The following SAMD9L variants were observed in gnomAD, a reference collection of about 807,000 sequenced individuals.
The protein encoded by SAMD9L is sterile alpha motif domain-containing protein 9-like.
Under a neutral mutation model 90.7 loss-of-function variants are expected in SAMD9L, and 68 were observed. The ratio of observed to expected loss-of-function variants is 0.75; its 90% CI spans 0.62 to 0.92. The LOEUF (loss-of-function observed/expected upper bound fraction) is 0.92. Among genes scored for constraint, SAMD9L ranks in the 40% least tolerant of loss-of-function variants. The pLI is 0.00. For synonymous variants in SAMD9L, 640 were observed against 630.1 expected (o/e 1.02, Z -0.23); for missense variants, 1,604 against 1,824.3 (o/e 0.88, Z 2.20).
Position 93,130,606 on chromosome 7 carries a change from G to A in SAMD9L, c.*611C>T, listed in dbSNP as rs2116463073. On this transcript the variant is annotated 3_prime_UTR_variant, in exon 5 of 5. Transcript: ENST00000318238. ...CAAGTTTATGATTACTTTATTTTTT[G>A]AACTCTTCTCTCTCCTGGAGCAATG... is the stretch of plus-strand genomic sequence containing the variant. 1 of 151,590 alleles carries A rather than the reference G, an allele frequency of 6.6e-6. No homozygotes were observed. The highest frequency in any genetic ancestry group is 2.1e-4 in the South Asian group (1 of 4,804). The allele number at this position is 151,590 out of a possible 1,614,324, so 9.4% of individuals were successfully genotyped here. A position where few individuals can be genotyped will look rare whatever the true frequency, so the allele number is the denominator to read the frequency against.
rs746104225 is a variant in SAMD9L, at chr7:93,135,269, C to T, written c.703G>A (p.Gly235Ser). 38 of 1,614,002 alleles carry T rather than the reference C, an allele frequency of 2.4e-5. No individual in the cohort carries two copies. The East Asian group carries it at 8.5e-4, about 36-fold the overall frequency. Residue 235 changes from glycine (G) to serine (S), a missense_variant, in exon 5 of 5, where the codon GGC becomes AGC. Coordinates refer to ENST00000318238, the MANE Select transcript of SAMD9L (RefSeq NM_152703.5). ...TCCTTGACTCCAAAATGGATGGTGC[C>T]ATTGGTGCGTGAATTCATACAAGCT... ...ASACMNSRTN[G>S]TIHFGVKDKP...
At position 93,132,360 on chromosome 7, in the gene SAMD9L, A is replaced by G; in HGVS notation, c.3612T>C (p.Gly1204=). Residue 1204 remains glycine, a synonymous_variant, in exon 5 of 5, where the codon GGT becomes GGC. Transcript: ENST00000318238. Reference sequence around the variant, plus strand: ...GCTGAAGAATCTGGATAGTGTAAAGACCAACTTCTATTTCACCCAAGAAAC... The same window carrying G: ...GCTGAAGAATCTGGATAGTGTAAAGGCCAACTTCTATTTCACCCAAGAAAC... ...TACFLGEIEV[G]LYTIQILQLT... is the part of the protein sequence containing the mutation. 1 of 1,613,906 alleles carries G rather than the reference A, an allele frequency of 6.2e-7. No homozygotes were observed. The highest frequency in any genetic ancestry group is 8.5e-7 in the Non-Finnish European group (1 of 1,179,870).
In SAMD9L at chr7:93,134,425, A is replaced by C; in HGVS notation, c.1547T>G (p.Leu516Ter). ...SETYKPLEPH[L>*]WQRERASEVR... is the part of the protein sequence containing the mutation. ...TTCTGAAGCTCTTTCTCTCTGCCAT[A>C]AATGTGGTTCTAGAGGTTTATATGT... is the stretch of plus-strand genomic sequence containing the variant. Residue 516 changes from leucine (L) to a stop codon, truncating the protein, a stop_gained, in exon 5 of 5, where the codon TTA becomes TGA. Transcript: ENST00000318238. LOFTEE classifies it high-confidence loss of function. The C allele has an allele frequency of 6.2e-7, 1 of 1,613,900 alleles. No individual in the cohort carries two copies. The highest frequency in any genetic ancestry group is 1.1e-5 in the South Asian group (1 of 91,060).
Position 93,133,121 on chromosome 7 carries a change from T to A in SAMD9L, c.2851A>T (p.Thr951Ser). 6.2e-7 allele frequency: 1 copy of A among 1,613,152 alleles called. No individual in the cohort carries two copies. The highest frequency in any genetic ancestry group is 8.5e-7 in the Non-Finnish European group (1 of 1,179,430). ...CTTTCAGGTTCCCAGGGTGTACTAG[T>A]GTATATGATTCCCAAAAATATTTCA... ...QCEIFLGIIY[T>S]STPWEPESLE... Residue 951 changes from threonine (T) to serine (S), a missense_variant, in exon 5 of 5, where the codon ACT becomes TCT. Physicochemically the swap from Thr to Ser is moderately conservative, Grantham distance 58. Transcript: ENST00000318238.
intron 3 of SAMD9L, among the ~76,000 whole-genome samples, chr7:93,145,111 C>A (rs1430322595): frequency 3.9e-5 from 6 of 152,204 alleles, no homozygotes; most frequent in African/African-American, 1.2e-4. Flanking sequence ...CACCCCAGAG[C>A]TTTCCACCTC....
chr7:93,133,406 CAAT>C lies in SAMD9L; in HGVS notation c.2563_2565del (p.Ile855del). ...TTGGAAGAAAGTTGGTAATTTAGTGCAATACTGTCTGCCAATTTTGCACTTTCA... is the reference window on the plus strand; with the variant it reads ...TTGGAAGAAAGTTGGTAATTTAGTGCACTGTCTGCCAATTTTGCACTTTCA... On this transcript the variant is annotated inframe_deletion, in exon 5 of 5. Transcript: ENST00000318238. 1 of 1,613,636 alleles carries C rather than the reference CAAT, an allele frequency of 6.2e-7. No homozygotes were observed. Among genetic ancestry groups the C allele is most frequent in the Non-Finnish European group, 8.5e-7 (1 of 1,179,638 alleles).
In SAMD9L at chr7:93,135,220, C is replaced by G. The variant is rs754914217; in HGVS notation, c.752G>C (p.Gly251Ala). The change falls in exon 5 of 5, where the codon GGT (glycine) becomes GCT (alanine). Residue 251 changes from glycine (G) to alanine (A), a missense_variant. Gly to Ala is a moderately conservative substitution (Grantham distance 60). This residue lies in a region of SAMD9L where 374 missense variants were observed against 363.6 expected (regional missense o/e 1.03). Transcript: ENST00000318238. ...VKDKPHGEIV[G>A]VKITSKAAFI... ...GGCAGCCTTACTGGTGATTTTCACA[C>G]CAACAATTTCTCCATGGGGTTTGTC... 1.5e-5 allele frequency: 24 copies of G among 1,614,072 alleles called. No homozygotes were observed. The highest frequency in any genetic ancestry group is 1.9e-5 in the Non-Finnish European group (23 of 1,179,982).
chr7:93,142,079 A>T (rs558647461), intron 4 of SAMD9L, among the ~76,000 whole-genome samples: 4 of 152,248 alleles, frequency 2.6e-5, no homozygotes, highest in African/African-American at 9.6e-5. Flanking sequence ...CCAGATGCCA[A>T]CACAGCTCAC....
chr7:93,137,321 C>T (rs1235147944), intron 4 of SAMD9L, among the ~76,000 whole-genome samples: 1 of 152,116 alleles, frequency 6.6e-6, no homozygotes, highest in East Asian at 1.9e-4. Context: ...GCTCCACATC[C>T]CATCAGATCA....
chr7:93,134,017 A>G lies in SAMD9L; in HGVS notation c.1955T>C (p.Val652Ala), dbSNP rs780351548. ...SVILEKKKED[V>A]LTALEILCEN... ...ACAGAGGATTTCCAGTGCAGTCAAGACATCCTCTTTCTTTTTCTCTAGGAT... is the reference window on the plus strand; with the variant it reads ...ACAGAGGATTTCCAGTGCAGTCAAGGCATCCTCTTTCTTTTTCTCTAGGAT... The change falls in exon 5 of 5, where the codon GTC becomes GCC. Residue 652 changes from valine to alanine, a missense_variant. This residue lies in a region of SAMD9L where 606 missense variants were observed against 717.6 expected (regional missense o/e 0.84). Coordinates refer to ENST00000318238, the MANE Select transcript of SAMD9L (RefSeq NM_152703.5). 1.9e-6 allele frequency: 3 copies of G among 1,613,826 alleles called. No individual in the cohort carries two copies. The Admixed American group carries it at 5.0e-5, about 27-fold the overall frequency.
rs573825281 is a variant in SAMD9L, at chr7:93,134,063, C to A, written c.1909G>T (p.Ala637Ser). Residue 637 changes from alanine (A) to serine (S), a missense_variant, in exon 5 of 5, where the codon GCC becomes TCC. Physicochemically the swap from Ala to Ser is moderately conservative, Grantham distance 99 (BLOSUM62 1). Coordinates refer to ENST00000318238, the MANE Select transcript of SAMD9L (RefSeq NM_152703.5). ...AGGATAACTGAAGAAGATCCACGGG[C>A]GGGCAAAAACCTTCTTGATGACCGA... ...VTRSSRRFLP[A>S]RGSSSVILEK... The A allele has an allele frequency of 1.2e-6, 2 of 1,613,770 alleles. No homozygotes were observed. The highest frequency in any genetic ancestry group is 1.7e-6 in the Non-Finnish European group (2 of 1,179,838).
intron 4 of SAMD9L, among the ~76,000 whole-genome samples, chr7:93,143,704 G>A (rs1415407259): frequency 1.3e-5 from 2 of 152,188 alleles, no homozygotes; most frequent in African/African-American, 4.8e-5. Flanking sequence ...ATTGGTAGCT[G>A]AGAATATATT....
chr7:93,133,132 C>T lies in SAMD9L; in HGVS notation c.2840G>A (p.Gly947Glu). ...ISVSQCEIFL[G>E]IIYTSTPWEP... The stretch of plus-strand genomic sequence containing the variant: ...CCAGGGTGTACTAGTGTATATGATT[C>T]CCAAAAATATTTCACACTGTGAAAC... The change falls in exon 5 of 5, where the codon GGA (glycine) becomes GAA (glutamate). Residue 947 changes from glycine to glutamate, a missense_variant. By Grantham distance (98) the Gly-to-Glu change is moderately conservative. Coordinates refer to ENST00000318238, the MANE Select transcript of SAMD9L (RefSeq NM_152703.5). The T allele has an allele frequency of 6.2e-7, 1 of 1,612,926 alleles. No individual in the cohort carries two copies. Among genetic ancestry groups the T allele is most frequent in the Non-Finnish European group, 8.5e-7 (1 of 1,179,352 alleles).
At position 93,135,551 on chromosome 7, in the gene SAMD9L, C is replaced by G. The variant is rs1562796165; in HGVS notation, c.421G>C (p.Val141Leu). The G allele has an allele frequency of 6.2e-7, 1 of 1,613,992 alleles. No individual in the cohort carries two copies. The highest frequency in any genetic ancestry group is 2.2e-5 in the East Asian group (1 of 44,864). The change falls in exon 5 of 5, where the codon GTG becomes CTG. Residue 141 changes from valine (V) to leucine (L), a missense_variant. By Grantham distance (32) the Val-to-Leu change is conservative. This residue lies in a region of SAMD9L where 374 missense variants were observed against 363.6 expected (regional missense o/e 1.03). Coordinates refer to ENST00000318238, the MANE Select transcript of SAMD9L (RefSeq NM_152703.5). ...TTAGCATTTGCTACTTCATCTAACACATTTTCTTTCATAAGAATTGATTCT... is the reference window on the plus strand; with the variant it reads ...TTAGCATTTGCTACTTCATCTAACAGATTTTCTTTCATAAGAATTGATTCT... ...QEESILMKENVLDEVANAKHK... is the reference protein window; with the variant it reads ...QEESILMKENLLDEVANAKHK...
At chr7:93,138,661 A>G (rs76260803) in intron 4 of SAMD9L, among the ~76,000 whole-genome samples, 1,994 of 152,280 alleles carry the variant, frequency 0.013, 45 homozygotes, top group African/African-American at 0.044. Context: ...GGACCTGCCA[A>G]AGGCCCCTTT....
rs1015113593 is a variant in SAMD9L, at chr7:93,130,109, A to T, written c.*1108T>A. ...TATTCAATTTAATCTATATTAGCCT[A>T]TGTTTCACTTTATAGGCAATGCGTA... On this transcript the variant is annotated 3_prime_UTR_variant, in exon 5 of 5. Transcript: ENST00000318238. The T allele has an allele frequency of 6.6e-6, 1 of 152,216 alleles. No individual in the cohort carries two copies. The highest frequency in any genetic ancestry group is 1.5e-5 in the Non-Finnish European group (1 of 68,040). 9.4% of individuals were successfully genotyped at this position (152,216 alleles called of 1,614,324 possible).
rs1489218206 is a variant in SAMD9L at position 93,131,365 on chromosome 7, A to G, written c.4607T>C (p.Val1536Ala). 5 of 1,613,556 alleles carry G rather than the reference A, an allele frequency of 3.1e-6. No individual in the cohort carries two copies. The highest frequency in any genetic ancestry group is 3.3e-5 in the Admixed American group (2 of 59,864). Residue 1536 changes from valine to alanine, a missense_variant, in exon 5 of 5, where the codon GTA becomes GCA. By Grantham distance (64) the Val-to-Ala change is moderately conservative. Coordinates refer to ENST00000318238, the MANE Select transcript of SAMD9L (RefSeq NM_152703.5). ...TATTTTTTCCTCTGTTCCATATTCT[A>G]CAGAGATTAGCTTGCCTTCAGCCTG... ...TGQAEGKLIS[V>A]EYGTEEKIKI... is the part of the protein sequence containing the mutation.
In SAMD9L at chr7:93,134,766, G is replaced by T; in HGVS notation, c.1206C>A (p.Leu402=). ...TATCCAGTGAGTCTCGGTTTCCTAT[G>T]AGAAGTTTAACCAGCTTTAGTCCTT... ...ESEGLKLVKL[L]IGNRDSLDNS... Residue 402 remains leucine (L), a synonymous_variant, in exon 5 of 5, where the codon CTC becomes CTA. Transcript: ENST00000318238. 10 of 1,613,282 alleles carry T rather than the reference G, an allele frequency of 6.2e-6. No homozygotes were observed. The highest frequency in any genetic ancestry group is 8.5e-6 in the Non-Finnish European group (10 of 1,179,906).
Position 93,133,900 on chromosome 7 carries a change from C to T in SAMD9L, c.2072G>A (p.Gly691Asp). Residue 691 changes from glycine (G) to aspartate (D), a missense_variant, in exon 5 of 5, where the codon GGC (glycine) becomes GAC (aspartate). Coordinates refer to ENST00000318238, the MANE Select transcript of SAMD9L (RefSeq NM_152703.5). Reference protein sequence around the residue: ...KSKEEHFYRGGKVSWWNFYFS... With the variant: ...KSKEEHFYRGDKVSWWNFYFS... The stretch of plus-strand genomic sequence containing the variant: ...ATAGAAGTTCCACCAGGATACTTTG[C>T]CACCTCGATAAAAGTGTTCTTCTTT... 6.2e-7 allele frequency: 1 copy of T among 1,613,786 alleles called. No homozygotes were observed. Among genetic ancestry groups the T allele is most frequent in the Non-Finnish European group, 8.5e-7 (1 of 1,179,852 alleles).
Sources: allele counts gnomAD v4.1 joint callset (sites outside exome capture counted in the v4.1 genomes callset), GRCh38; gene constraint gnomAD v4.1.1; regional missense constraint gnomAD v4.1.1; transcripts MANE v1.5; gene names NCBI Gene and HGNC (gene_info 2026-07-23, HGNC 2026-07-21).